The following PARN variants were observed in gnomAD, a reference collection of about 807,000 sequenced individuals.
PARN encodes poly(A)-specific ribonuclease PARN.
In PARN, 71 loss-of-function variants were observed where a neutral mutation model predicts 102.8. The ratio of observed to expected loss-of-function variants is 0.69; its 90% confidence interval spans 0.57 to 0.84. The LOEUF is 0.84. Among genes scored for constraint, PARN ranks in the 40% least tolerant of loss-of-function variants. The pLI is 0.00. For synonymous variants in PARN, 261 were observed against 252.9 expected (o/e 1.03, Z -0.30); for missense variants, 782 against 760.9 (o/e 1.03, Z -0.33).
rs912621446 is a variant in PARN, at chr16:14,552,166, C to G, written c.1406-71G>C. ...GAGCTATTAGATTTAATGCGCGTAT[C>G]TTACATATTTCAGTATAGTCTATCT... On this transcript the variant is annotated intron_variant, in intron 20 of 23. Coordinates refer to ENST00000437198, the MANE Select transcript of PARN (RefSeq NM_002582.4). The G allele has an allele frequency of 1.1e-4, 98 of 906,584 alleles. No individual in the cohort carries two copies. The African/African-American group carries it at 1.5e-3, about 14-fold the overall frequency. 56.2% of individuals were successfully genotyped at this position (906,584 alleles called of 1,614,324 possible).
At chr16:14,471,880 G>C (rs113419740) in intron 22 of PARN, among the ~76,000 whole-genome samples, 1 of 152,080 alleles carries the variant, frequency 6.6e-6, no homozygotes, top group Non-Finnish European at 1.5e-5. Context: ...CAATTTGCTT[G>C]AAGCAAATTG....
chr16:14,502,744 C>T (rs1964688670), intron 21 of PARN, among the ~76,000 whole-genome samples: 2 of 152,220 alleles, frequency 1.3e-5, no homozygotes, highest in African/African-American at 4.8e-5. Flanking sequence ...CAAGCTAGTT[C>T]TCTGAAGACA....
At chr16:14,504,166 G>A (rs538650232) in intron 21 of PARN, among the ~76,000 whole-genome samples, 36 of 152,174 alleles carry the variant, frequency 2.4e-4, no homozygotes, top group Admixed American at 6.5e-4. Flanking sequence ...ACAAGGATAC[G>A]TAAATTTTTA....
intron 6 of PARN, among the ~76,000 whole-genome samples, chr16:14,617,292 G>A (rs549356897): frequency 7.3e-5 from 11 of 150,686 alleles, no homozygotes; most frequent in South Asian, 4.2e-4. Flanking sequence ...GCTGAGGTAG[G>A]AGAATGGTGT....
chr16:14,579,352 T>C (rs1421731569), intron 18 of PARN, among the ~76,000 whole-genome samples: 6 of 152,212 alleles, frequency 3.9e-5, no homozygotes, highest in Non-Finnish European at 8.8e-5. Context: ...GCAGCCCACA[T>C]CTAACCCAGT....
chr16:14,568,655 A>C (rs1968588946), intron 18 of PARN, among the ~76,000 whole-genome samples: 1 of 151,870 alleles, frequency 6.6e-6, no homozygotes, highest in Non-Finnish European at 1.5e-5. Flanking sequence ...CACGTCTGTA[A>C]TCCCAGCACT....
chr16:14,485,728 C>T (rs891601199), intron 21 of PARN, among the ~76,000 whole-genome samples: 1 of 152,042 alleles, frequency 6.6e-6, no homozygotes, highest in Non-Finnish European at 1.5e-5. Flanking sequence ...TGCTCTGCCG[C>T]CTACGCTGGA....
intron 18 of PARN, among the ~76,000 whole-genome samples, chr16:14,571,503 C>T (rs866536534): frequency 8.6e-5 from 13 of 152,044 alleles, no homozygotes; most frequent in African/African-American, 2.7e-4. Context: ...AGGTTTTTTG[C>T]GGGAGGTCTC....
intron 9 of PARN, among the ~76,000 whole-genome samples, chr16:14,607,477 G>A (rs991183953): frequency 3.9e-5 from 6 of 152,160 alleles, no homozygotes; most frequent in African/African-American, 1.4e-4. Context: ...CAAAGTACCA[G>A]GATTACAGGA....
chr16:14,533,362 T>C (rs1358401593), intron 21 of PARN, among the ~76,000 whole-genome samples: 1 of 149,698 alleles, frequency 6.7e-6, no homozygotes, highest in Non-Finnish European at 1.5e-5. Context: ...AGCAGTACAG[T>C]CCAGCTTCGG....
chr16:14,630,229 C>CGGCAGT lies in PARN; in HGVS notation c.-105_-104insACTGCC. 1 of 1,020,964 alleles carries CGGCAGT rather than the reference C, an allele frequency of 9.8e-7. No homozygotes were observed. Among genetic ancestry groups the CGGCAGT allele is most frequent in the Non-Finnish European group, 1.4e-6 (1 of 693,324 alleles). The allele number at this position is 1,020,964 out of a possible 1,614,324, so 63.2% of individuals were successfully genotyped here. A position where few individuals can be genotyped will look rare whatever the true frequency, so the allele number is the denominator to read the frequency against. Reference sequence around the variant, plus strand: ...ACTGCGGCAGTAGCTGAGGCAGCCGCAGCGGTGACGCCGGCCGCGACTTCC... The same window carrying CGGCAGT: ...ACTGCGGCAGTAGCTGAGGCAGCCGCGGCAGTAGCGGTGACGCCGGCCGCGACTTCC... On this transcript the variant is annotated 5_prime_UTR_variant, in exon 1 of 24. Coordinates refer to ENST00000437198, the MANE Select transcript of PARN (RefSeq NM_002582.4).
chr16:14,540,008 T>C (rs1219866704), intron 21 of PARN, among the ~76,000 whole-genome samples: 3 of 152,230 alleles, frequency 2.0e-5, no homozygotes, highest in Non-Finnish European at 4.4e-5. Context: ...GTACAGGTTA[T>C]ATGCAAAAAT....
At chr16:14,625,965 T>C (rs1021213812) in intron 5 of PARN, among the ~76,000 whole-genome samples, 8 of 152,128 alleles carry the variant, frequency 5.3e-5, no homozygotes, top group Non-Finnish European at 7.3e-5. Context: ...CAACAGATAA[T>C]CAAAAGAGCA....
chr16:14,553,234 A>C (rs1054450515), intron 20 of PARN, among the ~76,000 whole-genome samples: 4 of 147,598 alleles, frequency 2.7e-5, no homozygotes, highest in African/African-American at 1.0e-4. Flanking sequence ...CCTGGGCTAC[A>C]CAGGAAGACC....
intron 22 of PARN, among the ~76,000 whole-genome samples, chr16:14,454,439 C>A (rs1009062353): frequency 6.6e-6 from 1 of 152,140 alleles, no homozygotes; most frequent in Non-Finnish European, 1.5e-5. Context: ...CAACATTTTT[C>A]TTTTATGGCT....
chr16:14,521,098 GAAC>G (rs1185563194), intron 21 of PARN, among the ~76,000 whole-genome samples: 1 of 152,176 alleles, frequency 6.6e-6, no homozygotes, highest in African/African-American at 2.4e-5. Context: ...ATTTTTATCA[GAAC>G]ATCATTTTCA....
At chr16:14,518,382 A>C (rs1965567467) in intron 21 of PARN, among the ~76,000 whole-genome samples, 1 of 151,812 alleles carries the variant, frequency 6.6e-6, no homozygotes, top group Non-Finnish European at 1.5e-5. Flanking sequence ...AGCCAAGGCC[A>C]AACATATTGG....
At chr16:14,602,918 G>A (rs558463262) in intron 11 of PARN, among the ~76,000 whole-genome samples, 9 of 151,814 alleles carry the variant, frequency 5.9e-5, no homozygotes, top group East Asian at 5.8e-4. Flanking sequence ...CAATCATCTC[G>A]TATCTTTTTT....
At chr16:14,490,617 C>T (rs1297450235) in intron 21 of PARN, among the ~76,000 whole-genome samples, 4 of 152,168 alleles carry the variant, frequency 2.6e-5, no homozygotes, top group African/African-American at 9.7e-5. Flanking sequence ...CAAAGACGCC[C>T]TCTCTGACAC....
Sources: allele counts gnomAD v4.1 joint callset (sites outside exome capture counted in the v4.1 genomes callset), GRCh38; gene constraint gnomAD v4.1.1; transcripts MANE v1.5; gene names NCBI Gene and HGNC (gene_info 2026-07-23, HGNC 2026-07-21).